The following GK5 variants were observed in gnomAD, a reference collection of about 807,000 sequenced individuals.
GK5 encodes glycerol kinase 5.
GK5 carries 39 observed loss-of-function variants against 77.3 expected under a neutral mutation model. That is an observed-to-expected ratio of 0.50 (90% CI 0.39 to 0.66). The LOEUF is 0.66. Among genes scored for constraint, GK5 ranks in the 30% least tolerant of loss-of-function variants. The probability of loss-of-function intolerance (pLI) is 0.00; values close to 1 mark genes in which losing one functional copy is unlikely to be tolerated. For missense variants in GK5, 487 were observed against 633.8 expected, an observed-to-expected ratio of 0.77 and a Z score of 2.49; for synonymous variants, 211 against 208.0, an observed-to-expected ratio of 1.01 and a Z score of -0.13.
rs1414595188 is a variant in GK5, at chr3:142,158,799, T to A, written c.*6823A>T. 6.6e-6 allele frequency: 1 copy of A among 152,402 alleles called. No homozygotes were observed. The highest frequency in any genetic ancestry group is 2.4e-5 in the African/African-American group (1 of 41,462). The allele number at this position is 152,402 out of a possible 1,614,324, so 9.4% of individuals were successfully genotyped here. On this transcript the variant is annotated 3_prime_UTR_variant, in exon 16 of 16. Coordinates refer to ENST00000392993, the MANE Select transcript of GK5 (RefSeq NM_001039547.3). ...AATAAAAAGGTTAGAAACATTATGA[T>A]AACTATGTACAAAGTATATATCTGT... is the stretch of plus-strand genomic sequence containing the variant.
At chr3:142,190,430 G>T (rs1047009955) in intron 5 of GK5, among the ~76,000 whole-genome samples, 1 of 152,168 alleles carries the variant, frequency 6.6e-6, no homozygotes, top group Admixed American at 6.5e-5. Context: ...TGAGGTCCTA[G>T]GGCAATGGCC....
chr3:142,200,011 T>G (rs908982110), intron 4 of GK5, among the ~76,000 whole-genome samples: 1 of 152,064 alleles, frequency 6.6e-6, no homozygotes, highest in South Asian at 2.1e-4. Context: ...TTAATAAAAT[T>G]TGTAGACTCA....
At chr3:142,207,101 A>T (rs1414870338) in intron 3 of GK5, among the ~76,000 whole-genome samples, 1 of 152,244 alleles carries the variant, frequency 6.6e-6, no homozygotes, top group Non-Finnish European at 1.5e-5. Context: ...CCCTGCAGAA[A>T]GCCTATGAAT....
At position 142,159,911 on chromosome 3, in the gene GK5, A is replaced by C. The variant is rs1577097710; in HGVS notation, c.*5711T>G. On this transcript the variant is annotated 3_prime_UTR_variant, in exon 16 of 16. Coordinates refer to ENST00000392993, the MANE Select transcript of GK5 (RefSeq NM_001039547.3). ...CACCCAGGCTGGAATGCAGTGGCCC[A>C]ATCTCGGCTCACTGCAACCTCCACG... is the stretch of plus-strand genomic sequence containing the variant. 6.7e-6 allele frequency: 1 copy of C among 148,322 alleles called. No homozygotes were observed. The highest frequency in any genetic ancestry group is 2.0e-4 in the East Asian group (1 of 5,032). 9.2% of individuals were successfully genotyped at this position (148,322 alleles called of 1,614,324 possible).
chr3:142,220,881 T>C (rs1195545312), intron 1 of GK5, among the ~76,000 whole-genome samples: 3 of 152,152 alleles, frequency 2.0e-5, no homozygotes, highest in Non-Finnish European at 4.4e-5. Context: ...TGGTTCAAAG[T>C]CTTTATAAGG....
Position 142,165,633 on chromosome 3 carries a change from T to C in GK5, c.1579A>G (p.Asn527Asp). Residue 527 changes from asparagine (N) to aspartate (D), a missense_variant, in exon 16 of 16, where the codon AAC becomes GAC. Coordinates refer to ENST00000392993, the MANE Select transcript of GK5 (RefSeq NM_001039547.3). The part of the protein sequence containing the change: ...KAVKRSMNWY[N>D]KT The stretch of plus-strand genomic sequence containing the variant: ...CATTTCATTTAGTGTTATGTCTTGT[T>C]ATACCAATTCATGGAGCGTTTCACT... 1 of 1,610,870 alleles carries C rather than the reference T, an allele frequency of 6.2e-7. No individual in the cohort carries two copies. The highest frequency in any genetic ancestry group is 8.5e-7 in the Non-Finnish European group (1 of 1,179,076).
intron 5 of GK5, among the ~76,000 whole-genome samples, chr3:142,195,575 C>T (rs1213031632): frequency 6.6e-6 from 1 of 152,180 alleles, no homozygotes; most frequent in Non-Finnish European, 1.5e-5. Context: ...TGGTCTTGAA[C>T]TCCTGGGCTC....
intron 3 of GK5, among the ~76,000 whole-genome samples, chr3:142,212,960 G>A (rs1018106438): frequency 6.7e-6 from 1 of 149,764 alleles, no homozygotes; most frequent in African/African-American, 2.5e-5. Context: ...TCAGCCTCCC[G>A]AGTAGCTGGG....
chr3:142,202,423 C>T (rs770710692), intron 4 of GK5, among the ~76,000 whole-genome samples: 14 of 152,184 alleles, frequency 9.2e-5, no homozygotes, highest in Admixed American at 6.5e-5. Context: ...ACACTCTAAA[C>T]ATTTCCAAAG....
rs2063440358 is a variant in GK5, at chr3:142,163,336, A to AT, written c.*2285dup. 6.7e-6 allele frequency: 1 copy of AT among 149,242 alleles called. No homozygotes were observed. The highest frequency in any genetic ancestry group is 2.1e-4 in the South Asian group (1 of 4,694). 9.2% of individuals were successfully genotyped at this position (149,242 alleles called of 1,614,324 possible). On this transcript the variant is annotated 3_prime_UTR_variant, in exon 16 of 16. Transcript: ENST00000392993. ...GTTGCCCAGGCTACAGTGCAGTGGC[A>AT]TGATCTTGGCTCACTGCAACTTCCA...
chr3:142,183,817 T>G (rs1236124696), intron 9 of GK5, among the ~76,000 whole-genome samples: 1 of 151,950 alleles, frequency 6.6e-6, no homozygotes, highest in Non-Finnish European at 1.5e-5. Flanking sequence ...CAGGCTAGTC[T>G]CAAACTCCTG....
In GK5 at chr3:142,177,919, C is replaced by T. The variant is rs374780774; in HGVS notation, c.1049-343G>A. Among the ~76,000 whole-genome samples, 7 of 144,962 alleles carry T rather than the reference C, an allele frequency of 4.8e-5. No homozygotes were observed. In the East Asian group the frequency reaches 6.1e-4, roughly 13 times the overall value. On this transcript the variant is annotated intron_variant, in intron 11 of 15. Coordinates refer to ENST00000392993, the MANE Select transcript of GK5 (RefSeq NM_001039547.3). ...TGTTGCCCAGGCTGGAGTGCAGTGG[C>T]GCAATCTCGGCTCACCGCAACCTCC...
chr3:142,182,763 TAAAGGGAAAAG>T (rs933540409), intron 10 of GK5, among the ~76,000 whole-genome samples, 149 bp downstream of exon 10: 2 of 152,110 alleles, frequency 1.3e-5, no homozygotes, highest in African/African-American at 4.8e-5. Context: ...GCTTTTCACT[TAAAGGGAAAAG>T]AAAGGGAAAT....
chr3:142,179,344 A>AT (rs1259285804), intron 11 of GK5, among the ~76,000 whole-genome samples: 1 of 152,196 alleles, frequency 6.6e-6, no homozygotes, highest in Non-Finnish European at 1.5e-5. Context: ...AAATGTCCAG[A>AT]TAATACATCA....
At chr3:142,168,980 T>C (rs1044851314) in intron 15 of GK5, among the ~76,000 whole-genome samples, 1 of 152,210 alleles carries the variant, frequency 6.6e-6, no homozygotes, top group African/African-American at 2.4e-5. Context: ...TTGAACCATA[T>C]GTGATCTCCT....
intron 6 of GK5, among the ~76,000 whole-genome samples, chr3:142,187,066 C>T (rs1199610802): frequency 1.3e-5 from 2 of 152,130 alleles, no homozygotes; most frequent in Non-Finnish European, 2.9e-5. Flanking sequence ...GACAAAGAGG[C>T]TCAAAGATGT....
chr3:142,224,360 G>A (rs1450403179), intron 1 of GK5, among the ~76,000 whole-genome samples: 2 of 152,122 alleles, frequency 1.3e-5, no homozygotes, highest in African/African-American at 2.4e-5. Context: ...GCAGTGAGCC[G>A]AGATCACAGC....
At chr3:142,197,837 A>G (rs1429219295) in intron 5 of GK5, among the ~76,000 whole-genome samples, 1 of 152,104 alleles carries the variant, frequency 6.6e-6, no homozygotes, top group Non-Finnish European at 1.5e-5. Context: ...AGCCTGGACA[A>G]CATGGTGAAA....
chr3:142,215,450 T>C, intron 2 of GK5, 149 bp downstream of exon 2: 1 of 490,300 alleles, frequency 2.0e-6, no homozygotes, highest in Non-Finnish European at 3.6e-6. Flanking sequence ...GAATTACAAA[T>C]TTCCGTTGAA....
Sources: allele counts gnomAD v4.1 joint callset (sites outside exome capture counted in the v4.1 genomes callset), GRCh38; gene constraint gnomAD v4.1.1; transcripts MANE v1.5; gene names NCBI Gene and HGNC (gene_info 2026-07-23, HGNC 2026-07-21).